Variants in ADCY2 observed in about 807,000 individuals in gnomAD.
ADCY2 encodes adenylate cyclase 2.
Under a neutral mutation model 125.2 loss-of-function variants are expected in ADCY2, and 31 were observed. That is an observed-to-expected ratio of 0.25 (90% CI 0.19 to 0.33). The LOEUF (loss-of-function observed/expected upper bound fraction) is 0.33, where lower values mean the gene tolerates loss of function less well. Among genes scored for constraint, ADCY2 ranks in the 10% least tolerant of loss-of-function variants. The probability of loss-of-function intolerance (pLI) is 1.00; values close to 1 mark genes in which losing one functional copy is unlikely to be tolerated. For synonymous variants in ADCY2, 512 were observed against 548.4 expected, an observed-to-expected ratio of 0.93 and a Z score of 0.93; for missense variants, 904 against 1,418.2, an observed-to-expected ratio of 0.64 and a Z score of 5.82.
intron 1 of ADCY2, among the ~76,000 whole-genome samples, chr5:7,408,469 G>C (rs1044784955): frequency 6.6e-6 from 1 of 151,916 alleles, no homozygotes; most frequent in African/African-American, 2.4e-5. Flanking sequence ...CCGAGTTCAA[G>C]CGATTCTGTT....
At chr5:7,661,928 C>T (rs1379669107) in intron 4 of ADCY2, among the ~76,000 whole-genome samples, 1 of 152,178 alleles carries the variant, frequency 6.6e-6, no homozygotes, top group Non-Finnish European at 1.5e-5. Context: ...ATGCTTTTCA[C>T]AGATGATATC....
intron 2 of ADCY2, among the ~76,000 whole-genome samples, chr5:7,429,371 G>A (rs1740506312): frequency 6.6e-6 from 1 of 152,172 alleles, no homozygotes; most frequent in East Asian, 1.9e-4. Context: ...GAAAGAAAAT[G>A]AATAAGGATA....
At chr5:7,435,754 A>G (rs1223490669) in intron 2 of ADCY2, among the ~76,000 whole-genome samples, 2 of 152,230 alleles carry the variant, frequency 1.3e-5, no homozygotes, top group African/African-American at 4.8e-5. Context: ...AACAGGGCTC[A>G]GCTTTACTCA....
intron 2 of ADCY2, among the ~76,000 whole-genome samples, chr5:7,451,085 A>G (rs1292623010): frequency 6.6e-6 from 1 of 152,238 alleles, no homozygotes; most frequent in Admixed American, 6.5e-5. Context: ...CAGCAAACAC[A>G]ACATCTGTTC....
At chr5:7,712,773 G>A in intron 10 of ADCY2, 83 bp from the exon 11 acceptor site, 3 of 956,276 alleles carry the variant, frequency 3.1e-6, no homozygotes, top group Non-Finnish European at 5.0e-6. Context: ...TGATAAAAGA[G>A]GAAATATGTT....
chr5:7,632,940 A>AT (rs1738367652), intron 4 of ADCY2, among the ~76,000 whole-genome samples: 2 of 152,194 alleles, frequency 1.3e-5, no homozygotes, highest in Non-Finnish European at 1.5e-5. Flanking sequence ...TGCAATGAAG[A>AT]TTGTGCTATG....
intron 15 of ADCY2, among the ~76,000 whole-genome samples, chr5:7,750,579 G>T (rs116548661): frequency 6.6e-6 from 1 of 152,080 alleles, no homozygotes; most frequent in Non-Finnish European, 1.5e-5. Flanking sequence ...ATGAGGGTTT[G>T]TATATAATAT....
At chr5:7,450,681 G>A (rs934646393) in intron 2 of ADCY2, among the ~76,000 whole-genome samples, 9 of 152,180 alleles carry the variant, frequency 5.9e-5, no homozygotes, top group African/African-American at 1.9e-4. Context: ...GACTTTCATA[G>A]CTAGAGAGAA....
At chr5:7,553,382 C>A (rs1189330509) in intron 3 of ADCY2, among the ~76,000 whole-genome samples, 1 of 152,150 alleles carries the variant, frequency 6.6e-6, no homozygotes, top group Non-Finnish European at 1.5e-5. Context: ...TGTGGAAGGC[C>A]CTTCCGGGCT....
chr5:7,624,271 T>G (rs536481887), intron 3 of ADCY2, among the ~76,000 whole-genome samples: 22 of 152,226 alleles, frequency 1.4e-4, no homozygotes, highest in Non-Finnish European at 2.8e-4. Flanking sequence ...CTTTGAGAGA[T>G]AGACCAAGGC....
intron 3 of ADCY2, among the ~76,000 whole-genome samples, chr5:7,571,073 T>C (rs1736051710): frequency 6.6e-6 from 1 of 151,028 alleles, no homozygotes; most frequent in Non-Finnish European, 1.5e-5. Context: ...GGAATTTTTT[T>C]TGGTATGGAA....
intron 24 of ADCY2, among the ~76,000 whole-genome samples, chr5:7,824,320 G>C (rs1049906300): frequency 6.6e-6 from 1 of 152,178 alleles, no homozygotes; most frequent in Non-Finnish European, 1.5e-5. Context: ...TGTGCATCGA[G>C]ATGGACAGCT....
At chr5:7,739,956 G>A (rs1742362942) in intron 14 of ADCY2, among the ~76,000 whole-genome samples, 1 of 151,888 alleles carries the variant, frequency 6.6e-6, no homozygotes, top group Non-Finnish European at 1.5e-5. Flanking sequence ...GATTATTTGT[G>A]TGTGAATTCT....
intron 2 of ADCY2, among the ~76,000 whole-genome samples, chr5:7,455,950 A>G (rs940921580): frequency 3.3e-5 from 5 of 149,712 alleles, no homozygotes; most frequent in African/African-American, 1.2e-4. Flanking sequence ...AGTAGGAATA[A>G]CATTTTAAAT....
intron 4 of ADCY2, among the ~76,000 whole-genome samples, chr5:7,690,260 A>G (rs1316020711): frequency 1.3e-5 from 2 of 152,226 alleles, no homozygotes; most frequent in East Asian, 3.9e-4. Context: ...GAATAGGTGG[A>G]ATATCAGCTG....
chr5:7,650,794 A>G (rs1739061012), intron 4 of ADCY2, among the ~76,000 whole-genome samples: 1 of 152,234 alleles, frequency 6.6e-6, no homozygotes, highest in Non-Finnish European at 1.5e-5. Context: ...TTGAACAAAG[A>G]CATGTTTTCC....
intron 7 of ADCY2, among the ~76,000 whole-genome samples, chr5:7,702,497 C>T (rs1271970076): frequency 1.3e-5 from 2 of 151,848 alleles, no homozygotes; most frequent in Non-Finnish European, 2.9e-5. Context: ...TTTGTCCTTG[C>T]GATAGTTTGC....
chr5:7,547,837 A>G (rs1445501522), intron 3 of ADCY2, among the ~76,000 whole-genome samples: 1 of 152,200 alleles, frequency 6.6e-6, no homozygotes, highest in African/African-American at 2.4e-5. Context: ...CGGAGGGACT[A>G]TGCAAGTCGT....
chr5:7,649,235 A>G (rs1485893259), intron 4 of ADCY2, among the ~76,000 whole-genome samples: 1 of 152,194 alleles, frequency 6.6e-6, no homozygotes, highest in East Asian at 1.9e-4. Flanking sequence ...ATTAAAAACA[A>G]TTTTGGTTGC....
Sources: gnomAD v4.1 joint callset for allele counts (sites outside exome capture counted in the v4.1 genomes callset) on GRCh38, gnomAD v4.1.1 for gene constraint, MANE v1.5 for transcripts, NCBI Gene and HGNC (gene_info 2026-07-23, HGNC 2026-07-21) for gene names.